The following TGIF1 variants were observed in gnomAD, a reference collection of about 807,000 sequenced individuals.
TGIF1 encodes TGFB induced factor homeobox 1, also known as homeobox protein TGIF1.
Under a neutral mutation model 19.3 loss-of-function variants are expected in TGIF1, and 4 were observed. The ratio of observed to expected loss-of-function variants is 0.21; its 90% CI spans 0.10 to 0.47. TGIF1 has a LOEUF of 0.47. Ranked by LOEUF, TGIF1 falls within the 20% of genes least tolerant of loss-of-function variation. The pLI, the probability that TGIF1 is intolerant of heterozygous loss-of-function variation, is 0.98. For synonymous variants in TGIF1, 122 were observed against 129.3 expected (o/e 0.94, Z 0.38); for missense variants, 275 against 341.4 (o/e 0.81, Z 1.53).
intron 1 of TGIF1, chr18:3,452,359 G>T: frequency 6.2e-7 from 1 of 1,613,278 alleles, no homozygotes; most frequent in Non-Finnish European, 8.5e-7. Context: ...GCTCCTCGGC[G>T]CCGACTCCTG....
intron 2 of TGIF1, among the ~76,000 whole-genome samples, chr18:3,438,596 A>AACACACACACACACACACACACAC (rs56864804): frequency 0.025 from 3,426 of 135,972 alleles, 124 homozygotes; most frequent in Non-Finnish European, 0.035. Flanking sequence ...CATACACACA[A>AACACACACACACACACACACACAC]ACACACACAC....
intron 2 of TGIF1, among the ~76,000 whole-genome samples, chr18:3,435,883 C>G (rs2082607952): frequency 6.6e-6 from 1 of 151,862 alleles, no homozygotes; most frequent in Non-Finnish European, 1.5e-5. Flanking sequence ...TATTTAGGGA[C>G]AAGGTCTCAC....
At chr18:3,431,477 C>CATAA (rs529141474) in intron 2 of TGIF1, among the ~76,000 whole-genome samples, 22 of 151,846 alleles carry the variant, frequency 1.4e-4, no homozygotes, top group African/African-American at 3.9e-4. Flanking sequence ...ATAATTAAAT[C>CATAA]ATAAATAAAT....
Position 3,458,064 on chromosome 18 carries a change from C to T in TGIF1, c.*124C>T. Reference sequence around the variant, plus strand: ...CACATGGGATTGCTAAAACAGCTTCCTGTTACTGAGATGTCTTCAATGGAA... The same window carrying T: ...CACATGGGATTGCTAAAACAGCTTCTTGTTACTGAGATGTCTTCAATGGAA... On this transcript the variant is annotated 3_prime_UTR_variant, in exon 3 of 3. Coordinates refer to ENST00000343820, the MANE Select transcript of TGIF1 (RefSeq NM_003244.4). The T allele has an allele frequency of 3.5e-6, 3 of 852,498 alleles. No individual in the cohort carries two copies. The highest frequency in any genetic ancestry group is 5.5e-6 in the Non-Finnish European group (3 of 540,614). 52.8% of individuals were successfully genotyped at this position (852,498 alleles called of 1,614,324 possible).
At chr18:3,452,486 C>A in intron 1 of TGIF1, 1 of 1,546,924 alleles carries the variant, frequency 6.5e-7, no homozygotes, top group Non-Finnish European at 8.8e-7. Flanking sequence ...GTTTCCCTGG[C>A]GAGTCGTCTG....
upstream of TGIF1, chr18:3,449,707 A>G (rs534241895): frequency 9.1e-6 from 9 of 985,450 alleles, no homozygotes; most frequent in African/African-American, 1.4e-4. Context: ...CCCTTGAATC[A>G]GAGGCGGCTG....
intron 2 of TGIF1, among the ~76,000 whole-genome samples, chr18:3,422,661 T>A (rs2082415757): frequency 7.2e-6 from 1 of 138,422 alleles, no homozygotes. Context: ...TTAAGTGCCC[T>A]ATATAGGTGG....
At chr18:3,447,851 T>C, upstream of TGIF1, 1 of 1,601,902 alleles carries the variant, frequency 6.2e-7, no homozygotes, top group Non-Finnish European at 8.6e-7. Flanking sequence ...GGCTTTCAAT[T>C]GTCTCCGCCC....
In TGIF1 at chr18:3,451,534, C is replaced by T; in HGVS notation, c.16+1029C>T. ...AAACAGAAGTTAATCACTCGGGAAG[C>T]GGACGGGAGGGGCGGCGCTACTGCG... is the stretch of plus-strand genomic sequence containing the variant. On this transcript the variant is annotated intron_variant, in intron 1 of 2. Transcript: ENST00000343820. The surrounding 1 kb of genome is among the most constrained non-coding windows in gnomAD (Gnocchi z 5.4). The T allele has an allele frequency of 5.0e-6, 5 of 1,004,160 alleles. No individual in the cohort carries two copies. The highest frequency in any genetic ancestry group is 5.9e-6 in the Non-Finnish European group (5 of 843,350). The allele number at this position is 1,004,160 out of a possible 1,614,324, so 62.2% of individuals were successfully genotyped here. A position where few individuals can be genotyped will look rare whatever the true frequency, so the allele number is the denominator to read the frequency against.
chr18:3,416,122 CCTT>C (rs1350933935), intron 1 of TGIF1, among the ~76,000 whole-genome samples: 1 of 152,232 alleles, frequency 6.6e-6, no homozygotes, highest in East Asian at 1.9e-4. Context: ...GTTGTTATGA[CCTT>C]CTTGTACATG....
intron 1 of TGIF1, 121 bp downstream of exon 1, chr18:3,450,626 G>A (rs929624588): frequency 3.3e-6 from 5 of 1,534,532 alleles, no homozygotes; most frequent in South Asian, 2.4e-5. Context: ...ATGCTGGAGT[G>A]GCGGCCGTGC....
chr18:3,422,880 G>A (rs780480409), intron 2 of TGIF1, among the ~76,000 whole-genome samples: 177 of 151,772 alleles, frequency 1.2e-3, no homozygotes, highest in Non-Finnish European at 2.1e-3. Context: ...TAGTAGAGAC[G>A]GGGTTTCACC....
At chr18:3,448,715 GTCTTT>G (rs869237733), upstream of TGIF1, 2,932 of 431,986 alleles carry the variant, frequency 6.8e-3, 42 homozygotes, top group African/African-American at 0.02. Flanking sequence ...GGGCGGGGGT[GTCTTT>G]TTTTTTTTTT....
chr18:3,418,498 A>G (rs2082360804), intron 2 of TGIF1: 1 of 152,244 alleles, frequency 6.6e-6, no homozygotes, highest in Non-Finnish European at 1.5e-5. Context: ...ACTTGTAATC[A>G]TCTTTAGATT....
chr18:3,430,714 G>A (rs1035161404), intron 2 of TGIF1, among the ~76,000 whole-genome samples: 2 of 140,040 alleles, frequency 1.4e-5, no homozygotes, highest in African/African-American at 5.4e-5. Context: ...GTCTTGCCAT[G>A]TTGCCCAGGC....
At chr18:3,424,414 G>C (rs1345607658) in intron 2 of TGIF1, among the ~76,000 whole-genome samples, 1 of 152,154 alleles carries the variant, frequency 6.6e-6, no homozygotes, top group Admixed American at 6.5e-5. Context: ...TGCAGGATCT[G>C]AAACAGGAAA....
chr18:3,449,883 G>A (rs1350585437), upstream of TGIF1: 1 of 985,620 alleles, frequency 1.0e-6, no homozygotes, highest in Non-Finnish European at 1.2e-6. Flanking sequence ...GGGAAGAAAG[G>A]CCCAAGGGAG....
intron 1 of TGIF1, among the ~76,000 whole-genome samples, chr18:3,453,516 G>A (rs2083058507): frequency 6.6e-6 from 1 of 151,768 alleles, no homozygotes; most frequent in Non-Finnish European, 1.5e-5. Context: ...GAGAAACCCC[G>A]TCTCTCCTAA....
chr18:3,446,252 C>T (rs1442840418), upstream of TGIF1, among the ~76,000 whole-genome samples: 2 of 152,194 alleles, frequency 1.3e-5, no homozygotes, highest in Admixed American at 6.5e-5. Context: ...GGCACGATCT[C>T]AGCTTTCTGC....
Sources: gnomAD v4.1 joint callset for allele counts (sites outside exome capture counted in the v4.1 genomes callset) on GRCh38, gnomAD v4.1.1 for gene constraint, Gnocchi (gnomAD v3.1) non-coding constraint, MANE v1.5 for transcripts, NCBI Gene and HGNC (gene_info 2026-07-23, HGNC 2026-07-21) for gene names.